Variants in GLP1R observed in about 807,000 individuals in gnomAD.
GLP1R encodes the protein glucagon-like peptide 1 receptor.
GLP1R carries 32 observed loss-of-function variants against 68.4 expected under a neutral mutation model. The ratio of observed to expected loss-of-function variants is 0.47; its 90% CI spans 0.35 to 0.63. GLP1R has a LOEUF of 0.63. Among genes scored for constraint, GLP1R ranks in the 20% least tolerant of loss-of-function variants. GLP1R has a pLI of 0.00. For synonymous variants in GLP1R, 263 were observed against 244.4 expected, an observed-to-expected ratio of 1.08 and a Z score of -0.71; for missense variants, 502 against 594.9, an observed-to-expected ratio of 0.84 and a Z score of 1.62.
intron 7 of GLP1R, among the ~76,000 whole-genome samples, chr6:39,077,550 CT>C (rs1400604272): frequency 3.3e-5 from 5 of 152,206 alleles, no homozygotes; most frequent in Admixed American, 2.6e-4. Flanking sequence ...GCCACAGTGT[CT>C]TTTATAACAA....
In GLP1R at chr6:39,048,789, C is replaced by T. The variant is rs562065638; in HGVS notation, c.-52C>T. The T allele has an allele frequency of 1.5e-4, 127 of 846,140 alleles. No individual in the cohort carries two copies. The African/African-American group carries it at 1.9e-3, about 12-fold the overall frequency. The allele number at this position is 846,140 out of a possible 1,614,324, so 52.4% of individuals were successfully genotyped here. A position where few individuals can be genotyped will look rare whatever the true frequency, so the allele number is the denominator to read the frequency against. On this transcript the variant is annotated 5_prime_UTR_variant, in exon 1 of 13. Coordinates refer to ENST00000373256, the MANE Select transcript of GLP1R (RefSeq NM_002062.5). ...CCCGCCACCAGCCCGGGATCAGTCT[C>T]CGCACGCGGTTCCGCAGGTGGCAGC...
In GLP1R at chr6:39,086,192, C is replaced by CACACACACAA; in HGVS notation, c.*128_*129insAACACACACA. ...ACACACACACACACACACACACACACACACACACACACATACATCCTGCTT... is the reference window on the plus strand; with the variant it reads ...ACACACACACACACACACACACACACACACACACAAACACACACACACATACATCCTGCTT... On this transcript the variant is annotated 3_prime_UTR_variant, in exon 13 of 13. Transcript: ENST00000373256. This position sits in a 1 kb window ranked among gnomAD's most constrained non-coding sequence, Gnocchi z 4.5. The CACACACACAA allele has an allele frequency of 1.4e-6, 1 of 712,024 alleles. No homozygotes were observed. The highest frequency in any genetic ancestry group is 1.8e-5 in the African/African-American group (1 of 56,480). The allele number at this position is 712,024 out of a possible 1,614,324, so 44.1% of individuals were successfully genotyped here.
rs985294169 is a variant in GLP1R at position 39,080,704 on chromosome 6, A to T, written c.1189A>T (p.Met397Leu). The T allele has an allele frequency of 1.3e-6, 2 of 1,597,130 alleles. No individual in the cohort carries two copies. Among genetic ancestry groups the T allele is most frequent in the Non-Finnish European group, 1.7e-6 (2 of 1,170,676 alleles). ...ATGTGACTCTTGTTTCCAGGGGCTG[A>T]TGGTGGCCATATTATACTGCTTTGT... ...ELSFTSFQGL[M>L]VAILYCFVNN... is the part of the protein sequence containing the mutation. Residue 397 changes from methionine (M) to leucine (L), a missense_variant, in exon 12 of 13, where the codon ATG (methionine) becomes TTG (leucine). Physicochemically the swap from Met to Leu is conservative, Grantham distance 15 (BLOSUM62 2). Coordinates refer to ENST00000373256, the MANE Select transcript of GLP1R (RefSeq NM_002062.5).
intron 7 of GLP1R, among the ~76,000 whole-genome samples, chr6:39,076,039 G>A (rs993348248): frequency 2.0e-5 from 3 of 152,212 alleles, no homozygotes; most frequent in African/African-American, 4.8e-5. Context: ...TTTCGTGACT[G>A]TGTTTTTTGA....
At position 39,049,056 on chromosome 6, in the gene GLP1R, G is replaced by T; in HGVS notation, c.78+138G>T. The stretch of plus-strand genomic sequence containing the variant: ...CGGGGGCATCCGAAAGCCTCGGGGG[G>T]AGTAGGGACTGGAGACTTGGTGCCC... On this transcript the variant is annotated intron_variant, in intron 1 of 12. Transcript: ENST00000373256. The surrounding 1 kb of genome is among the most constrained non-coding windows in gnomAD (Gnocchi z 4.5). 4.1e-6 allele frequency: 2 copies of T among 482,560 alleles called. No individual in the cohort carries two copies. Among genetic ancestry groups the T allele is most frequent in the Non-Finnish European group, 7.3e-6 (2 of 275,860 alleles). The allele number at this position is 482,560 out of a possible 1,614,324, so 29.9% of individuals were successfully genotyped here.
Position 39,056,434 on chromosome 6 carries a change from G to T in GLP1R, c.116G>T (p.Trp39Leu). The change falls in exon 2 of 13, where the codon TGG becomes TTG. Residue 39 changes from tryptophan to leucine, a missense_variant. By Grantham distance (61) the Trp-to-Leu change is moderately conservative. Coordinates refer to ENST00000373256, the MANE Select transcript of GLP1R (RefSeq NM_002062.5). ...TCCCTCTGGGAGACGGTGCAGAAAT[G>T]GCGAGAATACCGACGCCAGTGCCAG... is the stretch of plus-strand genomic sequence containing the variant. ...TVSLWETVQK[W>L]REYRRQCQRS... 6.2e-7 allele frequency: 1 copy of T among 1,611,338 alleles called. No individual in the cohort carries two copies. The highest frequency in any genetic ancestry group is 8.5e-7 in the Non-Finnish European group (1 of 1,177,498).
At chr6:39,082,503 T>C (rs1263795159) in intron 12 of GLP1R, among the ~76,000 whole-genome samples, 3 of 151,896 alleles carry the variant, frequency 2.0e-5, no homozygotes, top group African/African-American at 7.3e-5. Flanking sequence ...CTGGGACAGG[T>C]CTTAGAGGAC....
chr6:39,048,902 C>T lies in GLP1R; in HGVS notation c.62C>T (p.Ala21Val), dbSNP rs1441241286. The stretch of plus-strand genomic sequence containing the variant: ...CTGCTGCTCGGGATGGTGGGCAGGG[C>T]CGGCCCCCGCCCCCAGGTGAGATCC... ...ALLLLGMVGR[A>V]GPRPQGATVS... The change falls in exon 1 of 13, where the codon GCC (alanine) becomes GTC (valine). Residue 21 changes from alanine (A) to valine (V), a missense_variant. Coordinates refer to ENST00000373256, the MANE Select transcript of GLP1R (RefSeq NM_002062.5). 4 of 1,417,156 alleles carry T rather than the reference C, an allele frequency of 2.8e-6. No individual in the cohort carries two copies. The highest frequency in any genetic ancestry group is 5.1e-5 in the Admixed American group (2 of 38,836). The allele number at this position is 1,417,156 out of a possible 1,614,324, so 87.8% of individuals were successfully genotyped here. A position where few individuals can be genotyped will look rare whatever the true frequency, so the allele number is the denominator to read the frequency against.
Position 39,070,027 on chromosome 6 carries a change from CT to C in GLP1R, c.510-2834del, listed in dbSNP as rs201582057. On this transcript the variant is annotated intron_variant, in intron 5 of 12. Coordinates refer to ENST00000373256, the MANE Select transcript of GLP1R (RefSeq NM_002062.5). Reference sequence around the variant, plus strand: ...TCACATGATGGGGAAGGAGTGAACACTATGCCCTCACATCACAGAAGGCAAA... The same window carrying C: ...TCACATGATGGGGAAGGAGTGAACACATGCCCTCACATCACAGAAGGCAAA... Among the ~76,000 whole-genome samples, 710 of 152,298 alleles carry C rather than the reference CT, an allele frequency of 4.7e-3. 2 individuals are homozygous for C. Among genetic ancestry groups the C allele is most frequent in the Non-Finnish European group, 8.4e-3 (570 of 68,030 alleles).
At chr6:39,077,710 A>C (rs964006158) in intron 7 of GLP1R, among the ~76,000 whole-genome samples, 4 of 152,018 alleles carry the variant, frequency 2.6e-5, no homozygotes, top group African/African-American at 9.7e-5. Context: ...ACACAAGTCA[A>C]GTCTCAGCCG....
intron 5 of GLP1R, among the ~76,000 whole-genome samples, chr6:39,071,195 A>C (rs1429750894): frequency 1.3e-5 from 2 of 151,870 alleles, no homozygotes; most frequent in Non-Finnish European, 2.9e-5. Flanking sequence ...AAATACAAAA[A>C]ATTAGGTGAG....
chr6:39,053,322 C>T (rs1277050522), intron 1 of GLP1R, among the ~76,000 whole-genome samples: 4 of 152,232 alleles, frequency 2.6e-5, no homozygotes, highest in African/African-American at 9.6e-5. Flanking sequence ...TGCCCCTCCT[C>T]ACAGGGCATG....
Position 39,064,533 on chromosome 6 carries a change from TC to T in GLP1R, c.284-1172del, listed in dbSNP as rs1042825843. On this transcript the variant is annotated intron_variant, in intron 3 of 12. Coordinates refer to ENST00000373256, the MANE Select transcript of GLP1R (RefSeq NM_002062.5). The stretch of plus-strand genomic sequence containing the variant: ...CCCCTGTTCTTCCTACAGGTCAATA[TC>T]CCCCCACCCTCTCATTGTGCCCTTT... 5.9e-5 allele frequency among the ~76,000 whole-genome samples: 9 copies of T among 152,174 alleles called. 1 individual carries two copies. Among genetic ancestry groups the T allele is most frequent in the African/African-American group, 2.2e-4 (9 of 41,516 alleles).
chr6:39,070,571 C>G (rs964437779), intron 5 of GLP1R, among the ~76,000 whole-genome samples: 1 of 152,220 alleles, frequency 6.6e-6, no homozygotes, highest in African/African-American at 2.4e-5. Context: ...ACCCTCTCAT[C>G]AGTAATAAAA....
chr6:39,074,989 A>C, intron 7 of GLP1R, among the ~76,000 whole-genome samples: 1 of 151,926 alleles, frequency 6.6e-6, no homozygotes, highest in Non-Finnish European at 1.5e-5. Context: ...TAATGTGACC[A>C]GTGTCTTGAG....
chr6:39,065,655 C>T, intron 3 of GLP1R, 56 bp from the exon 4 acceptor site: 2 of 1,127,962 alleles, frequency 1.8e-6, no homozygotes, highest in East Asian at 2.6e-5. Context: ...GCATCTAGCA[C>T]TGGGCAGGCT....
intron 1 of GLP1R, among the ~76,000 whole-genome samples, chr6:39,055,724 G>C (rs1028307781): frequency 6.6e-6 from 1 of 151,292 alleles, no homozygotes; most frequent in Non-Finnish European, 1.5e-5. Flanking sequence ...CACGGGGAGG[G>C]GGTGGGGGGT....
At chr6:39,062,929 G>T (rs762778232) in intron 3 of GLP1R, among the ~76,000 whole-genome samples, 2 of 152,208 alleles carry the variant, frequency 1.3e-5, no homozygotes, top group Admixed American at 6.5e-5. Flanking sequence ...TTCTGTGAAG[G>T]CACAGCCTAT....
chr6:39,053,327 G>A (rs910012837), intron 1 of GLP1R, among the ~76,000 whole-genome samples: 1 of 152,210 alleles, frequency 6.6e-6, no homozygotes, highest in Non-Finnish European at 1.5e-5. Flanking sequence ...CTCCTCACAG[G>A]GCATGGGGTC....
Sources: gnomAD v4.1 joint callset for allele counts (sites outside exome capture counted in the v4.1 genomes callset) on GRCh38, gnomAD v4.1.1 for gene constraint, Gnocchi (gnomAD v3.1) non-coding constraint, MANE v1.5 for transcripts, NCBI Gene and HGNC (gene_info 2026-07-23, HGNC 2026-07-21) for gene names.